TMPRSS15: variants seen among roughly 807,000 people sequenced by gnomAD.
TMPRSS15 encodes the protein enteropeptidase.
Under a neutral mutation model 125.3 loss-of-function variants are expected in TMPRSS15, and 128 were observed. The observed-to-expected ratio is 1.02, with a 90% CI of 0.89 to 1.18. The LOEUF (loss-of-function observed/expected upper bound fraction) is 1.18. TMPRSS15 is among the 50% of genes most tolerant of loss of function. The pLI, the probability that TMPRSS15 is intolerant of heterozygous loss-of-function variation, is 0.00. For missense variants in TMPRSS15, 1,283 were observed against 1,212.7 expected, an observed-to-expected ratio of 1.06 and a Z score of -0.86; for synonymous variants, 446 against 423.2, an observed-to-expected ratio of 1.05 and a Z score of -0.66.
chr21:18,472,156 T>C (rs796320085), intron 1 of TMPRSS15, among the ~76,000 whole-genome samples: 13 of 152,230 alleles, frequency 8.5e-5, no homozygotes, highest in Admixed American at 2.0e-4. Flanking sequence ...GAAATAATTG[T>C]TGCATCAGAA....
Position 18,365,531 on chromosome 21 carries a change from CCCTT to C in TMPRSS15, c.665-287_665-284del, listed in dbSNP as rs201230491. Among the ~76,000 whole-genome samples, 1,049 of 139,194 alleles carry C rather than the reference CCCTT, an allele frequency of 7.5e-3. 19 individuals are homozygous for C. The highest frequency in any genetic ancestry group is 0.028 in the African/African-American group (998 of 35,836). 91.3% of individuals were successfully genotyped at this position (139,194 alleles called of 152,430 possible). ...TCCTTCCTTCCTTCCCTCCCTCCCTCCCTTCCTTCTTTCCTTCCTTTTCTCTCTT... is the reference window on the plus strand; with the variant it reads ...TCCTTCCTTCCTTCCCTCCCTCCCTCCCTTCTTTCCTTCCTTTTCTCTCTT... On this transcript the variant is annotated intron_variant, in intron 6 of 24. Coordinates refer to ENST00000284885, the MANE Select transcript of TMPRSS15 (RefSeq NM_002772.3).
chr21:18,352,970 C>A lies in TMPRSS15; in HGVS notation c.1104G>T (p.Arg368Ser), dbSNP rs761034935. ...QDLNDDNEWE[R>S]IQGSTFSPFT... ...AAGGAGAAAAGGTGCTTCCCTGAAT[C>A]CTTTCCCATTCATTATCATCATTTA... The change falls in exon 10 of 25, where the codon AGG becomes AGT. Residue 368 changes from arginine (R) to serine (S), a missense_variant. Transcript: ENST00000284885. 21 of 1,612,118 alleles carry A rather than the reference C, an allele frequency of 1.3e-5. No individual in the cohort carries two copies. Among genetic ancestry groups the A allele is most frequent in the Non-Finnish European group, 1.8e-5 (21 of 1,178,922 alleles).
intron 1 of TMPRSS15, among the ~76,000 whole-genome samples, chr21:18,464,171 T>TCAA (rs1978608635): frequency 1.8e-5 from 1 of 55,368 alleles, no homozygotes; most frequent in African/African-American, 8.7e-5. Context: ...AGACTCCGTC[T>TCAA]CAAAAAAAAA....
At chr21:18,398,103 C>CA (rs2076056627) in intron 2 of TMPRSS15, 96 bp downstream of exon 2, 1 of 1,461,032 alleles carries the variant, frequency 6.8e-7, no homozygotes. Flanking sequence ...GGGCATATTA[C>CA]ATTTATTCTC....
intron 3 of TMPRSS15, among the ~76,000 whole-genome samples, chr21:18,388,845 A>G (rs1434834910): frequency 6.6e-6 from 1 of 152,168 alleles, no homozygotes; most frequent in African/African-American, 2.4e-5. Flanking sequence ...ATTTTGAAAA[A>G]GTTAAAATAA....
chr21:18,373,152 C>G (rs576364168), intron 5 of TMPRSS15, among the ~76,000 whole-genome samples: 19 of 152,120 alleles, frequency 1.2e-4, no homozygotes, highest in Non-Finnish European at 2.5e-4. Context: ...GTATTGCCAT[C>G]TGCTGGGTTT....
At chr21:18,320,124 A>C (rs1000962132) in intron 16 of TMPRSS15, among the ~76,000 whole-genome samples, 15 of 152,226 alleles carry the variant, frequency 9.9e-5, no homozygotes, top group African/African-American at 3.1e-4. Flanking sequence ...CAGATTCTAA[A>C]GACAGCATTA....
intron 14 of TMPRSS15, among the ~76,000 whole-genome samples, chr21:18,331,190 A>C (rs1018879320): frequency 1.3e-5 from 2 of 152,118 alleles, no homozygotes; most frequent in African/African-American, 4.8e-5. Flanking sequence ...TTTGTCTACA[A>C]TATTGGCCCT....
intron 1 of TMPRSS15, among the ~76,000 whole-genome samples, chr21:18,433,691 A>C (rs1216524258): frequency 1.3e-5 from 2 of 151,434 alleles, no homozygotes; most frequent in African/African-American, 4.8e-5. Flanking sequence ...AAAAAAGAAA[A>C]TAACATAGTT....
chr21:18,350,352 A>G (rs1168090153), intron 10 of TMPRSS15, among the ~76,000 whole-genome samples: 1 of 152,186 alleles, frequency 6.6e-6, no homozygotes, highest in Non-Finnish European at 1.5e-5. Context: ...GAAGGCCCAC[A>G]CTGGTGACTC....
At chr21:18,443,611 T>C (rs1326391368) in intron 1 of TMPRSS15, among the ~76,000 whole-genome samples, 2 of 152,218 alleles carry the variant, frequency 1.3e-5, no homozygotes, top group Non-Finnish European at 2.9e-5. Context: ...ACTGGTGCCA[T>C]AGCCCCAGTG....
intron 10 of TMPRSS15, among the ~76,000 whole-genome samples, chr21:18,347,685 A>G (rs1433172025): frequency 6.6e-6 from 1 of 152,168 alleles, no homozygotes; most frequent in East Asian, 1.9e-4. Context: ...TTGCTTTTAA[A>G]TTTATTAAAT....
In TMPRSS15 at chr21:18,436,109, G is replaced by C. The variant is rs535202181; in HGVS notation, c.11-37780C>G. 8.2e-3 allele frequency among the ~76,000 whole-genome samples: 1,241 copies of C among 151,112 alleles called. 16 individuals carry two copies. Among genetic ancestry groups the C allele is most frequent in the African/African-American group, 0.029 (1,196 of 41,118 alleles). Reference sequence around the variant, plus strand: ...TCCTGGATTCATTAATTTTTTGAAGGGTTTTTTGTGTCTCTATTTCCTTTA... The same window carrying C: ...TCCTGGATTCATTAATTTTTTGAAGCGTTTTTTGTGTCTCTATTTCCTTTA... On this transcript the variant is annotated intron_variant, in intron 1 of 7. Transcript: ENST00000422787.
At chr21:18,349,201 C>T (rs2075539264) in intron 10 of TMPRSS15, among the ~76,000 whole-genome samples, 1 of 152,096 alleles carries the variant, frequency 6.6e-6, no homozygotes, top group African/African-American at 2.4e-5. Context: ...CTGAAGTTTC[C>T]ACATATTATG....
chr21:18,333,176 C>G (rs1040928764), intron 13 of TMPRSS15, among the ~76,000 whole-genome samples: 3 of 152,098 alleles, frequency 2.0e-5, no homozygotes, highest in African/African-American at 7.2e-5. Flanking sequence ...ATAAAATAAT[C>G]TGTACAACCA....
chr21:18,440,243 C>G (rs186295366), intron 1 of TMPRSS15, among the ~76,000 whole-genome samples: 70 of 150,742 alleles, frequency 4.6e-4, no homozygotes, highest in Non-Finnish European at 7.2e-4. Context: ...CATGGTGGCG[C>G]GCGCCTGTAG....
chr21:18,324,156 C>T (rs992869213), intron 16 of TMPRSS15, among the ~76,000 whole-genome samples: 6 of 151,878 alleles, frequency 4.0e-5, no homozygotes, highest in Non-Finnish European at 7.4e-5. Context: ...ATCCAGAAAG[C>T]GTATAATTTT....
intron 1 of TMPRSS15, among the ~76,000 whole-genome samples, chr21:18,474,856 G>A (rs186404469): frequency 6.6e-6 from 1 of 152,170 alleles, no homozygotes; most frequent in Non-Finnish European, 1.5e-5. Flanking sequence ...TGTGTAGTGG[G>A]GCAATGTTCA....
chr21:18,395,197 A>C (rs1218333905), intron 3 of TMPRSS15, among the ~76,000 whole-genome samples: 1 of 152,228 alleles, frequency 6.6e-6, no homozygotes, highest in Non-Finnish European at 1.5e-5. Context: ...ACTGAGAAAC[A>C]TACAGCAAAC....
Sources: gnomAD v4.1 joint callset for allele counts (sites outside exome capture counted in the v4.1 genomes callset) on GRCh38, gnomAD v4.1.1 for gene constraint, MANE v1.5 for transcripts, NCBI Gene and HGNC (gene_info 2026-07-23, HGNC 2026-07-21) for gene names.